The following SLC6A14 variants were observed in gnomAD, a reference collection of about 807,000 sequenced individuals.
SLC6A14 encodes solute carrier family 6 member 14.
Under a neutral mutation model 51.4 loss-of-function variants are expected in SLC6A14, and 21 were observed. That is an observed-to-expected ratio of 0.41 (90% CI 0.29 to 0.59). The LOEUF is 0.59. Among genes scored for constraint, SLC6A14 ranks in the 20% least tolerant of loss-of-function variants. The pLI is 0.31. For missense variants in SLC6A14, 371 were observed against 472.8 expected (o/e 0.78, Z 2.00); for synonymous variants, 177 against 160.7 (o/e 1.10, Z -0.77).
intron 12 of SLC6A14, among the ~76,000 whole-genome samples, chrX:116,456,455 T>C (rs1556694810): frequency 9.0e-6 from 1 of 110,954 alleles, no homozygotes; most frequent in Non-Finnish European, 1.9e-5. Context: ...AAAATGACAC[T>C]AAATATTTTT....
At chrX:116,453,776 A>G (rs1927870009) in intron 9 of SLC6A14, among the ~76,000 whole-genome samples, 1 of 111,573 alleles carries the variant, frequency 9.0e-6, no homozygotes, top group Non-Finnish European at 1.9e-5. Flanking sequence ...AAATTCTGAA[A>G]CAATTTTCAT....
rs782120312 is a variant in SLC6A14 at position 116,437,961 on chromosome X, C to G, written c.214+6C>G. The G allele has an allele frequency of 2.6e-6, 3 of 1,168,939 alleles. No homozygotes were observed. In the South Asian group the frequency reaches 5.6e-5, roughly 22 times the overall value. ...GACCTACAGCAATGGTGGAGGTATT[C>G]TATTTCACCCCCACCCTCCCACCCC... is the stretch of plus-strand genomic sequence containing the variant. On this transcript the variant is annotated splice_donor_region_variant and intron_variant, in intron 2 of 13. Coordinates refer to ENST00000598581, the MANE Select transcript of SLC6A14 (RefSeq NM_007231.5).
Position 116,455,084 on chromosome X carries a change from G to C in SLC6A14, c.1504+8G>C, listed in dbSNP as rs782219064. On this transcript the variant is annotated splice_region_variant and intron_variant, in intron 11 of 13. Coordinates refer to ENST00000598581, the MANE Select transcript of SLC6A14 (RefSeq NM_007231.5). ...GAATCATCTGGATTTATGGTAAATA[G>C]TAACTATAAAATTATTTTCCAGTTT... The C allele has an allele frequency of 2.7e-6, 3 of 1,094,049 alleles. No homozygotes were observed. In the Admixed American group the frequency reaches 6.8e-5, roughly 25 times the overall value. 90.2% of individuals were successfully genotyped at this position (1,094,049 alleles called of 1,213,427 possible).
chrX:116,452,576 G>T (rs1292196003), intron 8 of SLC6A14, among the ~76,000 whole-genome samples: 1 of 111,618 alleles, frequency 9.0e-6, no homozygotes, highest in Admixed American at 9.5e-5. Context: ...TAAACATTTG[G>T]AGAGAAGGTT....
In SLC6A14 at chrX:116,446,847, C is replaced by T; in HGVS notation, c.896C>T (p.Ala299Val). 5.8e-6 allele frequency: 7 copies of T among 1,207,682 alleles called. No homozygotes were observed. Among genetic ancestry groups the T allele is most frequent in the Non-Finnish European group, 7.8e-6 (7 of 892,758 alleles). ...ASKGISYYIG[A>V]QSNFTKLKEA... ...AAAGGCATTTCATACTATATTGGAG[C>T]CCAGTCAAATTTTACAAAACTTAAG... Residue 299 changes from alanine to valine, a missense_variant, in exon 7 of 14, where the codon GCC (alanine) becomes GTC (valine). Ala to Val is a moderately conservative substitution (Grantham distance 64). This residue lies in a region of SLC6A14 where 277 missense variants were observed against 391.8 expected (regional missense o/e 0.71). Transcript: ENST00000598581.
chrX:116,443,522 C>T (rs1927640452), intron 4 of SLC6A14, 121 bp from the exon 5 acceptor site: 1 of 471,326 alleles, frequency 2.1e-6, no homozygotes, highest in Admixed American at 5.2e-5. Flanking sequence ...ATTTCTACTC[C>T]ACTTTTTTCA....
Position 116,460,969 on chromosome X carries a change from T to C in SLC6A14, c.*2014T>C, listed in dbSNP as rs782299792. On this transcript the variant is annotated 3_prime_UTR_variant, in exon 14 of 14. Coordinates refer to ENST00000598581, the MANE Select transcript of SLC6A14 (RefSeq NM_007231.5). ...CCAGATTTTATAAAATATTTGAGAATAGATGGCTAACAAGAGGTTAGAAAT... is the reference window on the plus strand; with the variant it reads ...CCAGATTTTATAAAATATTTGAGAACAGATGGCTAACAAGAGGTTAGAAAT... 1.5e-4 allele frequency: 17 copies of C among 111,842 alleles called. No individual in the cohort carries two copies. Among genetic ancestry groups the C allele is most frequent in the Admixed American group, 4.8e-4 (5 of 10,461 alleles). 9.2% of individuals were successfully genotyped at this position (111,842 alleles called of 1,213,427 possible).
Position 116,454,964 on chromosome X carries a change from A to T in SLC6A14, c.1405-13A>T, listed in dbSNP as rs781946939. 8.7e-7 allele frequency: 1 copy of T among 1,153,187 alleles called. No individual in the cohort carries two copies. Among genetic ancestry groups the T allele is most frequent in the Admixed American group, 2.4e-5 (1 of 42,134 alleles). The stretch of plus-strand genomic sequence containing the variant: ...TAAAATATACTTAGAAGTAATTAAC[A>T]TTTTTTTGGTAGGCTGGAATTTACT... On this transcript the variant is annotated splice_polypyrimidine_tract_variant and intron_variant, in intron 10 of 13. Transcript: ENST00000598581.
At chrX:116,445,457 GGAGAGAGAGAGAGAGAGA>G (rs4068397) in intron 6 of SLC6A14, among the ~76,000 whole-genome samples, 66 of 67,020 alleles carry the variant, frequency 9.8e-4, no homozygotes, top group African/African-American at 3.7e-3. Context: ...TCCCCTAGTC[GGAGAGAGAGAGAGAGAGA>G]GAGAGAGAGA....
At chrX:116,458,470 G>A (rs1353351732) in intron 13 of SLC6A14, among the ~76,000 whole-genome samples, 1 of 111,376 alleles carries the variant, frequency 9.0e-6, no homozygotes, top group Non-Finnish European at 1.9e-5. Flanking sequence ...TCATCCTAAG[G>A]CCAGGATGGA....
At chrX:116,445,120 T>C in intron 6 of SLC6A14, 70 bp downstream of exon 6, 1 of 1,023,464 alleles carries the variant, frequency 9.8e-7, no homozygotes, top group Non-Finnish European at 1.3e-6. Context: ...ATATCAAGCA[T>C]TACCAAAAGC....
chrX:116,442,879 T>C (rs782524050), intron 4 of SLC6A14, 31 bp downstream of exon 4: 63 of 1,044,955 alleles, frequency 6.0e-5, no homozygotes, highest in Non-Finnish European at 2.1e-5. Context: ...AATAGTTCTT[T>C]TATATATATT....
In SLC6A14 at chrX:116,454,329, A is replaced by C. The variant is rs1162968296; in HGVS notation, c.1291A>C (p.Ile431Leu). 6.8e-6 allele frequency: 8 copies of C among 1,174,329 alleles called. No homozygotes were observed. Among genetic ancestry groups the C allele is most frequent in the Non-Finnish European group, 9.2e-6 (8 of 864,991 alleles). The change falls in exon 10 of 14, where the codon ATC (isoleucine) becomes CTC (leucine). Residue 431 changes from isoleucine (I) to leucine (L), a missense_variant. Transcript: ENST00000598581. ...TCATTTCTCCCCCTCTGAAGAAACGATCACAACAACAATTCAAGATTTATT... is the reference window on the plus strand; with the variant it reads ...TCATTTCTCCCCCTCTGAAGAAACGCTCACAACAACAATTCAAGATTTATT... ...LDSQFASIETITTTIQDLFPK... is the reference protein window; with the variant it reads ...LDSQFASIETLTTTIQDLFPK...
intron 12 of SLC6A14, among the ~76,000 whole-genome samples, chrX:116,456,800 T>C (rs1569539785): frequency 1.8e-5 from 2 of 111,770 alleles, no homozygotes; most frequent in African/African-American, 3.2e-5. Flanking sequence ...TCGCTGATTT[T>C]AATAAAACAA....
chrX:116,442,518 G>A (rs782087034), intron 3 of SLC6A14, among the ~76,000 whole-genome samples, 169 bp from the exon 4 acceptor site: 227 of 111,937 alleles, frequency 2.0e-3, no homozygotes, highest in Non-Finnish European at 3.3e-3. Context: ...ACCCTCCTCA[G>A]CCTTGAAAAG....
Position 116,458,839 on chromosome X carries a change from A to G in SLC6A14, c.1813A>G (p.Asn605Asp), listed in dbSNP as rs1556694958. The change falls in exon 14 of 14, where the codon AAC becomes GAC. Residue 605 changes from asparagine (N) to aspartate (D), a missense_variant. Physicochemically the swap from Asn to Asp is conservative, Grantham distance 23. Around this residue, in one of 2 missense-constraint regions of SLC6A14, gnomAD observed 94 missense variants for 81.0 expected, o/e 1.16. Transcript: ENST00000598581. ...TATAAGTTGCTGCAGACCAGCTTCT[A>G]ACTGGGGTCCATACCTGGAACAACA... ...RLISCCRPAS[N>D]WGPYLEQHRG... is the part of the protein sequence containing the mutation. The G allele has an allele frequency of 8.3e-7, 1 of 1,199,266 alleles. No individual in the cohort carries two copies.
At chrX:116,450,515 AG>A (rs1245063193) in intron 7 of SLC6A14, among the ~76,000 whole-genome samples, 1 of 112,013 alleles carries the variant, frequency 8.9e-6, no homozygotes, top group Non-Finnish European at 1.9e-5. Context: ...TCGACATCAC[AG>A]TTACACACCT....
intron 3 of SLC6A14, among the ~76,000 whole-genome samples, chrX:116,441,938 T>C (rs1927605506): frequency 8.9e-6 from 1 of 112,316 alleles, no homozygotes; most frequent in South Asian, 3.7e-4. Flanking sequence ...CTTCTCAAAA[T>C]GTTGATTTAT....
rs782677499 is a variant in SLC6A14, at chrX:116,460,656, C to T, written c.*1701C>T. On this transcript the variant is annotated 3_prime_UTR_variant, in exon 14 of 14. Transcript: ENST00000598581. ...TGATCTCAGCTCACTGCAACCTCTG[C>T]CTTCTGGATTCAAGTGATTCTCCTG... 9.4e-6 allele frequency: 1 copy of T among 106,674 alleles called. No individual in the cohort carries two copies. Among genetic ancestry groups the T allele is most frequent in the Admixed American group, 1.0e-4 (1 of 9,856 alleles). 8.8% of individuals were successfully genotyped at this position (106,674 alleles called of 1,213,427 possible).
Sources: allele counts gnomAD v4.1 joint callset (sites outside exome capture counted in the v4.1 genomes callset), GRCh38; gene constraint gnomAD v4.1.1; regional missense constraint gnomAD v4.1.1; transcripts MANE v1.5; gene names NCBI Gene and HGNC (gene_info 2026-07-23, HGNC 2026-07-21).